Variants in ARHGAP19 observed in about 807,000 individuals in gnomAD.
ARHGAP19 encodes the protein rho GTPase-activating protein 19.
A neutral mutation model predicts 60.9 loss-of-function variants in ARHGAP19; 48 were observed. That is an observed-to-expected ratio of 0.79 (90% CI 0.62 to 1.00). The LOEUF (loss-of-function observed/expected upper bound fraction) is 1.00. Among genes scored for constraint, ARHGAP19 ranks in the 50% least tolerant of loss-of-function variants. The probability of loss-of-function intolerance (pLI) is 0.00; values close to 1 mark genes in which losing one functional copy is unlikely to be tolerated. For missense variants in ARHGAP19, 562 were observed against 597.2 expected (o/e 0.94, Z 0.61); for synonymous variants, 209 against 215.5 (o/e 0.97, Z 0.27).
intron 1 of ARHGAP19, among the ~76,000 whole-genome samples, chr10:97,286,725 T>C (rs752487512): frequency 6.6e-6 from 1 of 152,230 alleles, no homozygotes; most frequent in African/African-American, 2.4e-5. Flanking sequence ...TTCCAGGCAT[T>C]CTACTGTCTG....
chr10:97,265,632 C>A (rs538717087), intron 2 of ARHGAP19: 63 of 517,676 alleles, frequency 1.2e-4, no homozygotes, highest in Non-Finnish European at 1.9e-4. Context: ...TTAATCATGT[C>A]TTCTCTCAGG....
At chr10:97,246,474 T>C (rs1391781014) in intron 6 of ARHGAP19, 137 bp from the exon 7 acceptor site, 10 of 661,458 alleles carry the variant, frequency 1.5e-5, no homozygotes, top group South Asian at 9.3e-5. Flanking sequence ...TCAAAATTCA[T>C]AGCCCCTCCA....
intron 1 of ARHGAP19, among the ~76,000 whole-genome samples, chr10:97,274,009 T>C (rs1842993575): frequency 6.6e-6 from 1 of 151,906 alleles, no homozygotes; most frequent in South Asian, 2.1e-4. Flanking sequence ...AACTACATAC[T>C]ATATGATGAC....
chr10:97,251,217 GAATGGA>G (rs1842645654), intron 6 of ARHGAP19, among the ~76,000 whole-genome samples: 2 of 37,696 alleles, frequency 5.3e-5, no homozygotes, highest in African/African-American at 1.2e-4. Context: ...AGGGGAAGGG[GAATGGA>G]AGGGGAAGGG....
intron 9 of ARHGAP19, among the ~76,000 whole-genome samples, chr10:97,234,396 T>G (rs1851089272): frequency 7.4e-6 from 1 of 135,382 alleles, no homozygotes; most frequent in Non-Finnish European, 1.5e-5. Context: ...ATCCTGCACA[T>G]GTACCCAGAA....
intron 1 of ARHGAP19, among the ~76,000 whole-genome samples, chr10:97,292,293 G>A (rs1036142109): frequency 1.3e-5 from 2 of 152,208 alleles, no homozygotes; most frequent in African/African-American, 4.8e-5. Context: ...GTGTCTCGGC[G>A]CCAAAGCGAT....
At chr10:97,271,480 A>G (rs1305276640) in intron 1 of ARHGAP19, among the ~76,000 whole-genome samples, 1 of 152,180 alleles carries the variant, frequency 6.6e-6, no homozygotes, top group Admixed American at 6.5e-5. Context: ...TAATAAGGAA[A>G]AGACACTTGA....
intron 11 of ARHGAP19, among the ~76,000 whole-genome samples, chr10:97,226,483 A>C (rs1308686279): frequency 1.3e-5 from 2 of 152,232 alleles, no homozygotes; most frequent in Non-Finnish European, 2.9e-5. Flanking sequence ...GAGGACTAAT[A>C]TATAAGCTAT....
rs556723742 is a variant in ARHGAP19 at position 97,263,299 on chromosome 10, C to T, written c.613+121G>A. On this transcript the variant is annotated intron_variant, in intron 4 of 11. Transcript: ENST00000358531. Reference sequence around the variant, plus strand: ...TACCCAGAGAAGTCCAGCAACATCACGAAATCTTAACCAATATTAATAGAA... The same window carrying T: ...TACCCAGAGAAGTCCAGCAACATCATGAAATCTTAACCAATATTAATAGAA... 203 of 1,036,930 alleles carry T rather than the reference C, an allele frequency of 2.0e-4. No individual in the cohort carries two copies. The Middle Eastern group carries it at 2.7e-3, about 14-fold the overall frequency. The allele number at this position is 1,036,930 out of a possible 1,614,324, so 64.2% of individuals were successfully genotyped here.
chr10:97,274,556 G>A (rs1843000773), intron 1 of ARHGAP19, among the ~76,000 whole-genome samples: 1 of 152,036 alleles, frequency 6.6e-6, no homozygotes, highest in African/African-American at 2.4e-5. Flanking sequence ...AAGCAAATAT[G>A]GCAAAATGTT....
chr10:97,234,661 A>G (rs999037886), intron 9 of ARHGAP19, among the ~76,000 whole-genome samples: 6 of 152,230 alleles, frequency 3.9e-5, no homozygotes, highest in African/African-American at 1.4e-4. Flanking sequence ...ATCTGCAAAC[A>G]TGGTGATAGC....
intron 6 of ARHGAP19, among the ~76,000 whole-genome samples, chr10:97,255,709 A>G (rs1010755110): frequency 6.6e-6 from 1 of 152,222 alleles, no homozygotes; most frequent in Non-Finnish European, 1.5e-5. Context: ...TCAATCATAC[A>G]AAGGGCCCTT....
intron 8 of ARHGAP19, among the ~76,000 whole-genome samples, chr10:97,241,573 C>T (rs1295823192): frequency 6.6e-6 from 1 of 151,098 alleles, no homozygotes; most frequent in Non-Finnish European, 1.5e-5. Context: ...ATTAGTCAGG[C>T]GTTGTGACAC....
At chr10:97,254,212 A>G (rs984757186) in intron 6 of ARHGAP19, among the ~76,000 whole-genome samples, 1 of 152,184 alleles carries the variant, frequency 6.6e-6, no homozygotes, top group African/African-American at 2.4e-5. Flanking sequence ...AGGCATCTTC[A>G]ACAGCCAAAA....
intron 6 of ARHGAP19, among the ~76,000 whole-genome samples, chr10:97,251,204 G>GAT (rs1842644145): frequency 1.5e-5 from 1 of 66,588 alleles, no homozygotes; most frequent in Non-Finnish European, 3.1e-5. Context: ...AAGGGGAAAG[G>GAT]GAAGGGGAAG....
At chr10:97,255,200 T>C (rs1283564720) in intron 6 of ARHGAP19, among the ~76,000 whole-genome samples, 2 of 152,146 alleles carry the variant, frequency 1.3e-5, no homozygotes, top group Non-Finnish European at 2.9e-5. Context: ...CGCTTAAAAA[T>C]GGTTAAGATG....
At chr10:97,248,821 T>TTTGC (rs1842601038) in intron 6 of ARHGAP19, among the ~76,000 whole-genome samples, 1 of 152,032 alleles carries the variant, frequency 6.6e-6, no homozygotes, top group Non-Finnish European at 1.5e-5. Context: ...ATCAATTTTG[T>TTTGC]TTGTTTGTTT....
At chr10:97,239,551 G>GTT (rs1842440252) in intron 8 of ARHGAP19, among the ~76,000 whole-genome samples, 24 of 20,290 alleles carry the variant, frequency 1.2e-3, no homozygotes, top group African/African-American at 1.7e-3. Context: ...AGAGAGAGAG[G>GTT]GTGTGTGTGT....
intron 8 of ARHGAP19, among the ~76,000 whole-genome samples, chr10:97,239,428 G>A (rs1262473873): frequency 2.6e-5 from 4 of 152,026 alleles, no homozygotes; most frequent in East Asian, 1.9e-4. Context: ...CCCAGGAGGC[G>A]GAGATTGCAG....
Sources: gnomAD v4.1 joint callset for allele counts (sites outside exome capture counted in the v4.1 genomes callset) on GRCh38, gnomAD v4.1.1 for gene constraint, MANE v1.5 for transcripts, NCBI Gene and HGNC (gene_info 2026-07-23, HGNC 2026-07-21) for gene names.